The following RAB27A variants were observed in gnomAD, a reference collection of about 807,000 sequenced individuals.
The protein encoded by RAB27A is RAB27A, member RAS oncogene family.
In RAB27A, 17 loss-of-function variants were observed where a neutral mutation model predicts 20.8. That is an observed-to-expected ratio of 0.82 (90% CI 0.56 to 1.23). RAB27A has a LOEUF of 1.23. RAB27A is among the 50% of genes most tolerant of loss of function. RAB27A has a pLI of 0.00. For missense variants in RAB27A, 277 were observed against 266.7 expected (o/e 1.04, Z -0.27); for synonymous variants, 85 against 92.8 (o/e 0.92, Z 0.48).
At chr15:55,248,431 G>T (rs1896768971) in intron 2 of RAB27A, among the ~76,000 whole-genome samples, 1 of 152,130 alleles carries the variant, frequency 6.6e-6, no homozygotes, top group Non-Finnish European at 1.5e-5. Flanking sequence ...AACACACTGA[G>T]TTGCTATATC....
intron 5 of RAB27A, 55 bp downstream of exon 5, chr15:55,228,554 T>C: frequency 7.8e-7 from 1 of 1,286,430 alleles, no homozygotes; most frequent in Non-Finnish European, 1.1e-6. Flanking sequence ...TAAGAGGGCA[T>C]TCTATAAATA....
At chr15:55,298,149 C>G (rs1287508466) in intron 2 of RAB27A, among the ~76,000 whole-genome samples, 1 of 148,430 alleles carries the variant, frequency 6.7e-6, no homozygotes, top group African/African-American at 2.5e-5. Flanking sequence ...AGCTTGCTGT[C>G]AGCCAAGATT....
intron 6 of RAB27A, among the ~76,000 whole-genome samples, chr15:55,214,375 G>C (rs566041728): frequency 9.2e-5 from 14 of 152,318 alleles, no homozygotes; most frequent in African/African-American, 3.1e-4. Flanking sequence ...GGTGGAGCTT[G>C]CTGTGAGCCA....
At chr15:55,286,321 A>T (rs765794623) in intron 1 of RAB27A, among the ~76,000 whole-genome samples, 70 of 152,356 alleles carry the variant, frequency 4.6e-4, no homozygotes, top group Non-Finnish European at 8.5e-4. Context: ...ACAGTGAACA[A>T]GGCAGATTAC....
intron 2 of RAB27A, among the ~76,000 whole-genome samples, chr15:55,253,601 G>C (rs1241797738): frequency 5.3e-5 from 8 of 152,114 alleles, no homozygotes; most frequent in Admixed American, 5.2e-4. Context: ...CTAAGCCCAG[G>C]ATAAGGCCAT....
chr15:55,257,217 G>A (rs908606793), intron 2 of RAB27A, among the ~76,000 whole-genome samples: 1 of 152,148 alleles, frequency 6.6e-6, no homozygotes, highest in African/African-American at 2.4e-5. Context: ...AGGATGATGA[G>A]ATTGGATCGG....
At position 55,205,412 on chromosome 15, in the gene RAB27A, A is replaced by G. The variant is rs1222175942; in HGVS notation, c.*95T>C. On this transcript the variant is annotated 3_prime_UTR_variant, in exon 7 of 7. Transcript: ENST00000336787. ...GGGGATGGTGAGAAGCAATTTGTAC[A>G]CAATGCCCATTAATCTCTCACTGTG... is the stretch of plus-strand genomic sequence containing the variant. The G allele has an allele frequency of 1.6e-5, 21 of 1,305,914 alleles. No homozygotes were observed. In the African/African-American group the frequency reaches 2.2e-4, roughly 14 times the overall value. 80.9% of individuals were successfully genotyped at this position (1,305,914 alleles called of 1,614,324 possible). A position where few individuals can be genotyped will look rare whatever the true frequency, so the allele number is the denominator to read the frequency against.
chr15:55,212,522 A>G, intron 6 of RAB27A, among the ~76,000 whole-genome samples: 1 of 149,662 alleles, frequency 6.7e-6, no homozygotes, highest in East Asian at 1.9e-4. Flanking sequence ...GTTGCTCAAG[A>G]GCAACAAATC....
At chr15:55,240,518 G>C (rs774711569) in intron 2 of RAB27A, among the ~76,000 whole-genome samples, 3 of 151,996 alleles carry the variant, frequency 2.0e-5, no homozygotes, top group Non-Finnish European at 4.4e-5. Flanking sequence ...CTGTTCTATC[G>C]TAAGTGCTTC....
intron 4 of RAB27A, among the ~76,000 whole-genome samples, chr15:55,230,075 C>A (rs2140977330): frequency 6.6e-6 from 1 of 152,074 alleles, no homozygotes; most frequent in South Asian, 2.1e-4. Flanking sequence ...TTTCAACAGT[C>A]AGGTAAGAAT....
chr15:55,235,938 A>G (rs1452336421), intron 2 of RAB27A, among the ~76,000 whole-genome samples: 1 of 152,164 alleles, frequency 6.6e-6, no homozygotes, highest in Non-Finnish European at 1.5e-5. Flanking sequence ...ATATGTTCTC[A>G]CTCATATGTA....
At chr15:55,251,919 G>A (rs1334349068) in intron 2 of RAB27A, among the ~76,000 whole-genome samples, 3 of 152,068 alleles carry the variant, frequency 2.0e-5, no homozygotes, top group East Asian at 1.9e-4. Context: ...AGGAGAAAGC[G>A]GCATGAGGTA....
At chr15:55,257,955 T>C (rs1897139320) in intron 2 of RAB27A, among the ~76,000 whole-genome samples, 1 of 151,702 alleles carries the variant, frequency 6.6e-6, no homozygotes, top group African/African-American at 2.4e-5. Context: ...ATCATGCCAC[T>C]GCACTCCAGG....
At position 55,244,509 on chromosome 15, in the gene RAB27A, G is replaced by A. The variant is rs147762178; in HGVS notation, c.-22-9553C>T. On this transcript the variant is annotated intron_variant, in intron 2 of 6. Coordinates refer to ENST00000336787, the MANE Select transcript of RAB27A (RefSeq NM_183235.3). ...GTTGTTGTTGTTGGGGGGAGATGAC[G>A]TCTCCCTATGTTGCCCAGGCTGGTC... is the stretch of plus-strand genomic sequence containing the variant. 1.4e-3 allele frequency among the ~76,000 whole-genome samples: 218 copies of A among 152,152 alleles called. 1 individual carries two copies. The highest frequency in any genetic ancestry group is 5.0e-3 in the African/African-American group (208 of 41,498).
intron 2 of RAB27A, among the ~76,000 whole-genome samples, chr15:55,249,407 T>A (rs1896806719): frequency 6.6e-6 from 1 of 152,162 alleles, no homozygotes; most frequent in Non-Finnish European, 1.5e-5. Context: ...CCTAAGTAGC[T>A]GGGATCACAG....
At chr15:55,286,700 C>T (rs1243662050) in intron 1 of RAB27A, among the ~76,000 whole-genome samples, 3 of 151,988 alleles carry the variant, frequency 2.0e-5, no homozygotes, top group African/African-American at 4.8e-5. Flanking sequence ...GGTGAGGACT[C>T]TGTCACTTCT....
At chr15:55,265,211 A>C (rs1897422710) in intron 2 of RAB27A, among the ~76,000 whole-genome samples, 1 of 152,188 alleles carries the variant, frequency 6.6e-6, no homozygotes, top group Non-Finnish European at 1.5e-5. Context: ...ATTGCACTCC[A>C]GCCTGGGCGA....
chr15:55,291,844 C>G (rs1218133829), upstream of RAB27A, among the ~76,000 whole-genome samples: 1 of 152,132 alleles, frequency 6.6e-6, no homozygotes, highest in African/African-American at 2.4e-5. Flanking sequence ...TCAGGACTTA[C>G]TTGAGAGACC....
intron 2 of RAB27A, among the ~76,000 whole-genome samples, chr15:55,255,829 A>G (rs949951520): frequency 3.9e-5 from 6 of 152,150 alleles, no homozygotes; most frequent in African/African-American, 1.4e-4. Context: ...CAATATTATC[A>G]GGGAGAAAAA....
Sources: allele counts gnomAD v4.1 joint callset (sites outside exome capture counted in the v4.1 genomes callset), GRCh38; gene constraint gnomAD v4.1.1; transcripts MANE v1.5; gene names NCBI Gene and HGNC (gene_info 2026-07-23, HGNC 2026-07-21).